KIF13B: variants seen among roughly 807,000 people sequenced by gnomAD.
KIF13B encodes the protein kinesin family member 13B, also known as kinesin-like protein KIF13B.
KIF13B carries 127 observed loss-of-function variants against 222.0 expected under a neutral mutation model. That is an observed-to-expected ratio of 0.57 (90% CI 0.50 to 0.66). The LOEUF (loss-of-function observed/expected upper bound fraction) is 0.66, where lower values mean the gene tolerates loss of function less well. Among genes scored for constraint, KIF13B ranks in the 30% least tolerant of loss-of-function variants. The pLI is 0.00. For missense variants in KIF13B, 2,173 were observed against 2,379.0 expected (o/e 0.91, Z 1.80); for synonymous variants, 976 against 919.0 (o/e 1.06, Z -1.12).
intron 2 of KIF13B, among the ~76,000 whole-genome samples, chr8:29,234,177 A>G (rs972774197): frequency 6.6e-6 from 1 of 152,126 alleles, no homozygotes; most frequent in African/African-American, 2.4e-5. Flanking sequence ...CTATACCCAA[A>G]ATAACTGAAA....
At chr8:29,140,036 T>A (rs575428234) in intron 21 of KIF13B, 27 bp downstream of exon 21, 41 of 1,548,452 alleles carry the variant, frequency 2.6e-5, no homozygotes, top group Middle Eastern at 1.7e-4. Flanking sequence ...TGTATCAACG[T>A]AATACTAGGA....
At chr8:29,169,271 C>T (rs897274735) in intron 10 of KIF13B, among the ~76,000 whole-genome samples, 5 of 152,140 alleles carry the variant, frequency 3.3e-5, no homozygotes, top group Admixed American at 2.6e-4. Context: ...CAGGTTTGTT[C>T]GGACAATGGA....
intron 1 of KIF13B, among the ~76,000 whole-genome samples, chr8:29,253,076 A>G (rs1156381540): frequency 6.6e-6 from 1 of 152,208 alleles, no homozygotes; most frequent in African/African-American, 2.4e-5. Context: ...GAAAATAATT[A>G]AAATAATCCC....
At chr8:29,232,070 C>T (rs1435496105) in intron 2 of KIF13B, among the ~76,000 whole-genome samples, 1 of 152,086 alleles carries the variant, frequency 6.6e-6, no homozygotes, top group African/African-American at 2.4e-5. Context: ...GCCTGGGCAA[C>T]ATGGTGAAGC....
At chr8:29,088,837 G>A (rs1808161755) in intron 37 of KIF13B, among the ~76,000 whole-genome samples, 1 of 152,160 alleles carries the variant, frequency 6.6e-6, no homozygotes, top group Admixed American at 6.5e-5. Context: ...CCTGAAGTGT[G>A]ACCCAAGTAA....
chr8:29,261,097 G>A lies in KIF13B; in HGVS notation c.55+1883C>T, dbSNP rs191664266. Among the ~76,000 whole-genome samples, 411 of 152,270 alleles carry A rather than the reference G, an allele frequency of 2.7e-3. 6 individuals carry two copies. Among genetic ancestry groups the A allele is most frequent in the Admixed American group, 0.022 (337 of 15,286 alleles). ...ACTGAAAAAAGAAGTCCACATGCAC[G>A]TCAGGAAATATAAGGCTAAGAATGG... On this transcript the variant is annotated intron_variant, in intron 1 of 39. Transcript: ENST00000524189.
chr8:29,161,311 G>C (rs552457874), intron 12 of KIF13B, among the ~76,000 whole-genome samples: 1 of 152,258 alleles, frequency 6.6e-6, no homozygotes, highest in South Asian at 2.1e-4. Flanking sequence ...GGATCACAAG[G>C]CCCTTCAACC....
intron 14 of KIF13B, among the ~76,000 whole-genome samples, chr8:29,152,060 G>A (rs966036373): frequency 1.3e-5 from 2 of 152,156 alleles, no homozygotes; most frequent in Non-Finnish European, 2.9e-5. Context: ...ATGCCTTCGG[G>A]GGGTTCAAGA....
intron 36 of KIF13B, among the ~76,000 whole-genome samples, chr8:29,098,678 T>C (rs1414754442): frequency 6.6e-6 from 1 of 150,942 alleles, no homozygotes; most frequent in Non-Finnish European, 1.5e-5. Context: ...CCGGATCATG[T>C]AACTACGGAA....
intron 2 of KIF13B, among the ~76,000 whole-genome samples, chr8:29,229,956 T>C (rs2130579440): frequency 6.6e-6 from 1 of 152,338 alleles, no homozygotes; most frequent in South Asian, 2.1e-4. Flanking sequence ...AAAAGAATAT[T>C]ACTTAAAATA....
chr8:29,092,644 G>A, intron 37 of KIF13B, 101 bp downstream of exon 37: 1 of 1,310,340 alleles, frequency 7.6e-7, no homozygotes. Context: ...ACCCAGTTTA[G>A]CCCCAACCCA....
chr8:29,139,909 A>G, intron 21 of KIF13B, 154 bp downstream of exon 21: 1 of 679,454 alleles, frequency 1.5e-6, no homozygotes, highest in East Asian at 3.0e-5. Context: ...AAATTTGAAA[A>G]GGAACATAAT....
intron 2 of KIF13B, among the ~76,000 whole-genome samples, chr8:29,232,223 A>G (rs1815317107): frequency 6.6e-6 from 1 of 152,034 alleles, no homozygotes; most frequent in Admixed American, 6.6e-5. Flanking sequence ...GCACTACTAC[A>G]TTCCACTCCA....
chr8:29,179,210 G>A (rs904361446), intron 8 of KIF13B, among the ~76,000 whole-genome samples: 1 of 151,602 alleles, frequency 6.6e-6, no homozygotes, highest in East Asian at 1.9e-4. Flanking sequence ...TCAAGCTCCT[G>A]GGCTCAACCA....
At chr8:29,143,312 C>T (rs1810902679) in intron 18 of KIF13B, among the ~76,000 whole-genome samples, 2 of 152,164 alleles carry the variant, frequency 1.3e-5, no homozygotes, top group Admixed American at 6.5e-5. Flanking sequence ...AAGAAACGTC[C>T]CTCTCAGAGG....
chr8:29,109,574 C>T, intron 33 of KIF13B, 63 bp from the exon 34 acceptor site: 3 of 1,310,048 alleles, frequency 2.3e-6, no homozygotes, highest in South Asian at 1.2e-5. Flanking sequence ...AAAGCAACAC[C>T]ATGTACAGCA....
rs1054265742 is a variant in KIF13B at position 29,068,893 on chromosome 8, G to A, written c.*1611C>T. 6.6e-6 allele frequency: 1 copy of A among 152,294 alleles called. No homozygotes were observed. Among genetic ancestry groups the A allele is most frequent in the Non-Finnish European group, 1.5e-5 (1 of 68,096 alleles). The allele number at this position is 152,294 out of a possible 1,614,324, so 9.4% of individuals were successfully genotyped here. ...CCTCAAAATCGGCTAAGGACAGGGAGAGCCCTGGAGGAGTGCCTCCCCCCA... is the reference window on the plus strand; with the variant it reads ...CCTCAAAATCGGCTAAGGACAGGGAAAGCCCTGGAGGAGTGCCTCCCCCCA... On this transcript the variant is annotated 3_prime_UTR_variant, in exon 40 of 40. Transcript: ENST00000524189. This position sits in a 1 kb window ranked among gnomAD's most constrained non-coding sequence, Gnocchi z 4.4.
In KIF13B at chr8:29,072,003, G is replaced by A. The variant is rs1807310835; in HGVS notation, c.4835C>T (p.Pro1612Leu). The A allele has an allele frequency of 7.7e-6, 10 of 1,291,774 alleles. No individual in the cohort carries two copies. The South Asian group carries it at 1.6e-4, about 21-fold the overall frequency. 80.0% of individuals were successfully genotyped at this position (1,291,774 alleles called of 1,614,324 possible). A position where few individuals can be genotyped will look rare whatever the true frequency, so the allele number is the denominator to read the frequency against. ...EPEAPISHPP[P>L]PTAVPAEEPP... ...CTCCTCGGCGGGGACGGCCGTGGGC[G>A]GTGGGGGGTGGCTGATGGGCGCCTC... Residue 1612 changes from proline (P) to leucine (L), a missense_variant, in exon 39 of 40, where the codon CCG becomes CTG. Pro to Leu is a moderately conservative substitution (Grantham distance 98). Coordinates refer to ENST00000524189, the MANE Select transcript of KIF13B (RefSeq NM_015254.4).
intron 10 of KIF13B, among the ~76,000 whole-genome samples, chr8:29,175,723 G>A (rs1005739018): frequency 2.6e-5 from 4 of 152,232 alleles, no homozygotes; most frequent in African/African-American, 9.6e-5. Flanking sequence ...GGGTGGCCCA[G>A]CTGAGTGTGA....
Sources: gnomAD v4.1 joint callset for allele counts (sites outside exome capture counted in the v4.1 genomes callset) on GRCh38, gnomAD v4.1.1 for gene constraint, Gnocchi (gnomAD v3.1) non-coding constraint, MANE v1.5 for transcripts, NCBI Gene and HGNC (gene_info 2026-07-23, HGNC 2026-07-21) for gene names.